FGF10: variants seen among roughly 807,000 people sequenced by gnomAD.
The protein encoded by FGF10 is fibroblast growth factor 10.
In FGF10, 2 loss-of-function variants were observed where a neutral mutation model predicts 19.8. The observed-to-expected ratio is 0.10, with a 90% CI of 0.04 to 0.32. The LOEUF is 0.32. Ranked by LOEUF, FGF10 falls within the 10% of genes least tolerant of loss-of-function variation. The pLI is 1.00. For missense variants in FGF10, 191 were observed against 246.3 expected, an observed-to-expected ratio of 0.78 and a Z score of 1.50; for synonymous variants, 112 against 94.0, an observed-to-expected ratio of 1.19 and a Z score of -1.10.
chr5:44,343,830 A>G (rs1741023202), intron 1 of FGF10, among the ~76,000 whole-genome samples: 1 of 151,988 alleles, frequency 6.6e-6, no homozygotes, highest in African/African-American at 2.4e-5. Context: ...GAGTGATATA[A>G]TAATTTGTCT....
At chr5:44,380,335 T>C (rs1741957076) in intron 1 of FGF10, among the ~76,000 whole-genome samples, 1 of 152,232 alleles carries the variant, frequency 6.6e-6, no homozygotes, top group Admixed American at 6.5e-5. Context: ...CTGCATATGA[T>C]AGACTTAAAT....
At chr5:44,332,293 CT>C (rs1393937144) in intron 1 of FGF10, among the ~76,000 whole-genome samples, 1 of 152,070 alleles carries the variant, frequency 6.6e-6, no homozygotes, top group Non-Finnish European at 1.5e-5. Context: ...GTATCAAAGA[CT>C]TTTCCAGCTT....
At chr5:44,312,850 C>A (rs976512625) in intron 1 of FGF10, among the ~76,000 whole-genome samples, 1 of 152,014 alleles carries the variant, frequency 6.6e-6, no homozygotes, top group East Asian at 1.9e-4. Context: ...GTGCATGCAA[C>A]GTCCTGGGAT....
chr5:44,310,294 G>T, intron 2 of FGF10, 133 bp downstream of exon 2: 1 of 679,390 alleles, frequency 1.5e-6, no homozygotes, highest in Non-Finnish European at 2.7e-6. Context: ...TGAAACAGTG[G>T]TGACTAACCC....
rs562103887 is a variant in FGF10 at position 44,305,502 on chromosome 5, A to G, written c.430-310T>C. ...CTAGAGTGATTGTCAAGAAGTAGACATCTCACTAACAATATTTGTGATGAG... is the reference window on the plus strand; with the variant it reads ...CTAGAGTGATTGTCAAGAAGTAGACGTCTCACTAACAATATTTGTGATGAG... On this transcript the variant is annotated intron_variant, in intron 2 of 2. Transcript: ENST00000264664. 3.9e-5 allele frequency among the ~76,000 whole-genome samples: 6 copies of G among 152,314 alleles called. No homozygotes were observed. In the East Asian group the frequency reaches 1.2e-3, roughly 29 times the overall value.
At chr5:44,357,703 G>A (rs1244057179) in intron 1 of FGF10, among the ~76,000 whole-genome samples, 2 of 151,412 alleles carry the variant, frequency 1.3e-5, no homozygotes, top group Non-Finnish European at 3.0e-5. Flanking sequence ...TCTTTGTGAG[G>A]TGCTTAGGTA....
chr5:44,348,376 T>G (rs1741134096), intron 1 of FGF10, among the ~76,000 whole-genome samples: 1 of 151,694 alleles, frequency 6.6e-6, no homozygotes. Flanking sequence ...TAACACAACT[T>G]ACTAATGGAG....
chr5:44,307,733 T>A (rs971490175), intron 2 of FGF10, among the ~76,000 whole-genome samples: 107 of 152,324 alleles, frequency 7.0e-4, no homozygotes, highest in African/African-American at 2.5e-3. Flanking sequence ...TTATATTAGA[T>A]ATGCACTTAT....
chr5:44,348,394 A>T (rs541067526), intron 1 of FGF10, among the ~76,000 whole-genome samples: 1 of 151,710 alleles, frequency 6.6e-6, no homozygotes, highest in East Asian at 1.9e-4. Context: ...GAGTAGTCTC[A>T]CCTAGTTCTG....
intron 1 of FGF10, among the ~76,000 whole-genome samples, chr5:44,324,557 T>G (rs977185345): frequency 6.6e-5 from 10 of 152,162 alleles, no homozygotes; most frequent in Admixed American, 1.3e-4. Flanking sequence ...ATATTATTTA[T>G]TGCATATAAT....
At position 44,310,430 on chromosome 5, in the gene FGF10, G is replaced by A. The variant is rs149851674; in HGVS notation, c.426C>T (p.Gly142=). 1.2e-4 allele frequency: 196 copies of A among 1,603,196 alleles called. No individual in the cohort carries two copies. Among genetic ancestry groups the A allele is most frequent in the Non-Finnish European group, 1.6e-4 (186 of 1,170,818 alleles). The change falls in exon 2 of 3, where the codon GGC becomes GGT. Residue 142 remains glycine (G), a synonymous_variant. Coordinates refer to ENST00000264664, the MANE Select transcript of FGF10 (RefSeq NM_004465.2). ...LAMNKKGKLY[G]SKEFNNDCKL... ...AAAACAAAAGCAGAATACTTACTGA[G>A]CCATAGAGTTTCCCCTTCTTGTTCA...
At chr5:44,306,796 T>G (rs1740086484) in intron 2 of FGF10, among the ~76,000 whole-genome samples, 1 of 152,206 alleles carries the variant, frequency 6.6e-6, no homozygotes, top group Non-Finnish European at 1.5e-5. Context: ...AATATAACAT[T>G]CAAATGATGA....
intron 1 of FGF10, among the ~76,000 whole-genome samples, chr5:44,317,239 T>C (rs373085408): frequency 3.3e-5 from 5 of 152,336 alleles, no homozygotes; most frequent in African/African-American, 1.2e-4. Flanking sequence ...ACGCTTGACA[T>C]GCATTTGGAA....
At chr5:44,356,069 T>G (rs557822300) in intron 1 of FGF10, among the ~76,000 whole-genome samples, 4 of 151,612 alleles carry the variant, frequency 2.6e-5, no homozygotes, top group African/African-American at 7.2e-5. Context: ...CAGCTCATAG[T>G]CCATAGGTCA....
Position 44,376,515 on chromosome 5 carries a change from AAAC to A in FGF10, c.325+11840_325+11842del, listed in dbSNP as rs1161644026. Among the ~76,000 whole-genome samples the A allele has an allele frequency of 4.6e-4, 60 of 131,838 alleles. 4 individuals carry two copies. The highest frequency in any genetic ancestry group is 7.0e-4 in the South Asian group (3 of 4,296). The allele number at this position is 131,838 out of a possible 152,430, so 86.5% of individuals were successfully genotyped here. The stretch of plus-strand genomic sequence containing the variant: ...CAAAAAAAAAAAAAAAAAAAAAAAA[AAAC>A]AAAAAACCCACAACTAGAGCAAGAA... On this transcript the variant is annotated intron_variant, in intron 1 of 2. Coordinates refer to ENST00000264664, the MANE Select transcript of FGF10 (RefSeq NM_004465.2).
rs534271367 is a variant in FGF10, at chr5:44,317,395, A to C, written c.326-6865T>G. Among the ~76,000 whole-genome samples, 3 of 152,308 alleles carry C rather than the reference A, an allele frequency of 2.0e-5. No homozygotes were observed. In the East Asian group the frequency reaches 5.8e-4, roughly 29 times the overall value. ...AAGTCATAGGATAAATACAGTGCCT[A>C]GCTTAGCCTTATTGATGAGTACAGT... On this transcript the variant is annotated intron_variant, in intron 1 of 2. Coordinates refer to ENST00000264664, the MANE Select transcript of FGF10 (RefSeq NM_004465.2).
At chr5:44,331,872 T>G (rs939843597) in intron 1 of FGF10, among the ~76,000 whole-genome samples, 3 of 152,092 alleles carry the variant, frequency 2.0e-5, no homozygotes, top group African/African-American at 7.2e-5. Context: ...TTGTGGTTAC[T>G]CAATACTTAG....
intron 1 of FGF10, among the ~76,000 whole-genome samples, chr5:44,346,279 C>T (rs16874002): frequency 0.28 from 42,190 of 151,562 alleles, 6,218 homozygotes; most frequent in Admixed American, 0.4. Context: ...TATCCAAAAC[C>T]ATCATTTTTT....
intron 1 of FGF10, among the ~76,000 whole-genome samples, chr5:44,383,673 T>G (rs1742032797): frequency 6.6e-6 from 1 of 152,090 alleles, no homozygotes; most frequent in South Asian, 2.1e-4. Context: ...GGAGGGTCCA[T>G]ATGGTAGGAA....
Sources: allele counts gnomAD v4.1 joint callset (sites outside exome capture counted in the v4.1 genomes callset), GRCh38; gene constraint gnomAD v4.1.1; transcripts MANE v1.5; gene names NCBI Gene and HGNC (gene_info 2026-07-23, HGNC 2026-07-21).